Variants in GPC3 observed in about 807,000 individuals in gnomAD.
GPC3 encodes the protein glypican-3.
A neutral mutation model predicts 34.4 loss-of-function variants in GPC3; 3 were observed. That is an observed-to-expected ratio of 0.09 (90% CI 0.04 to 0.23). The LOEUF is 0.23. Among genes scored for constraint, GPC3 ranks in the 10% least tolerant of loss-of-function variants. The pLI, the probability that GPC3 is intolerant of heterozygous loss-of-function variation, is 1.00. For synonymous variants in GPC3, 177 were observed against 174.0 expected (o/e 1.02, Z -0.13); for missense variants, 351 against 445.6 (o/e 0.79, Z 1.91).
chrX:133,797,753 C>T (rs189962203), intron 2 of GPC3, among the ~76,000 whole-genome samples: 111 of 110,500 alleles, frequency 1.0e-3, no homozygotes, highest in African/African-American at 3.2e-3. Flanking sequence ...TCGCTTGAAC[C>T]CAGGAGGCGA....
intron 2 of GPC3, among the ~76,000 whole-genome samples, chrX:133,868,649 G>A (rs936610608): frequency 8.9e-6 from 1 of 111,919 alleles, no homozygotes; most frequent in Non-Finnish European, 1.9e-5. Context: ...TAGAGCAAGG[G>A]AGGATGACTT....
intron 2 of GPC3, among the ~76,000 whole-genome samples, chrX:133,914,960 T>TATATAC (rs1205170782): frequency 1.1e-5 from 1 of 93,986 alleles, no homozygotes; most frequent in African/African-American, 4.0e-5. Flanking sequence ...TATATATATA[T>TATATAC]ATATATATAT....
At chrX:133,732,581 T>A (rs1478483537) in intron 3 of GPC3, among the ~76,000 whole-genome samples, 1 of 111,494 alleles carries the variant, frequency 9.0e-6, no homozygotes, top group Non-Finnish European at 1.9e-5. Context: ...CCTTTAATCA[T>A]CCTTATGATA....
Position 133,596,502 on chromosome X carries a change from T to G in GPC3, c.1511A>C (p.Glu504Ala). The G allele has an allele frequency of 2.5e-6, 3 of 1,203,279 alleles. No homozygotes were observed. The highest frequency in any genetic ancestry group is 3.4e-6 in the Non-Finnish European group (3 of 887,872). ...TCCATCACCAGAGCCTCCAATGCACTCATCTTCATCATCACCGCAGTCTCC... is the reference window on the plus strand; with the variant it reads ...TCCATCACCAGAGCCTCCAATGCACGCATCTTCATCATCACCGCAGTCTCC... The part of the protein sequence containing the change: ...ESGDCGDDED[E>A]CIGGSGDGMI... Residue 504 changes from glutamate to alanine, a missense_variant, in exon 7 of 8, where the codon GAG becomes GCG. Glu to Ala is a moderately radical substitution (Grantham distance 107, BLOSUM62 -1). Coordinates refer to ENST00000370818, the MANE Select transcript of GPC3 (RefSeq NM_004484.4).
chrX:133,736,986 A>G (rs2071516831), intron 3 of GPC3, among the ~76,000 whole-genome samples: 2 of 112,473 alleles, frequency 1.8e-5, no homozygotes, highest in Admixed American at 1.9e-4. Flanking sequence ...TTGAAATTCA[A>G]TTAATATAAA....
chrX:133,545,842 A>C (rs1000553689), intron 7 of GPC3, among the ~76,000 whole-genome samples: 1 of 111,515 alleles, frequency 9.0e-6, no homozygotes, highest in African/African-American at 3.3e-5. Context: ...GGTGGAAAGA[A>C]CCTAAGTGTC....
intron 6 of GPC3, among the ~76,000 whole-genome samples, chrX:133,649,166 G>A (rs2070572223): frequency 9.1e-6 from 1 of 110,487 alleles, no homozygotes; most frequent in African/African-American, 3.3e-5. Context: ...TAGGTGGGGG[G>A]GATTCTCTAT....
At chrX:133,692,072 C>T (rs992470155) in intron 5 of GPC3, among the ~76,000 whole-genome samples, 3 of 112,586 alleles carry the variant, frequency 2.7e-5, no homozygotes, top group African/African-American at 9.7e-5. Context: ...CCTCAGCCTC[C>T]CCAGTAGCTG....
chrX:133,768,906 C>T (rs916324048), intron 2 of GPC3, among the ~76,000 whole-genome samples: 2 of 110,026 alleles, frequency 1.8e-5, no homozygotes, highest in African/African-American at 6.7e-5. Flanking sequence ...AGCCACTGCA[C>T]TCCAGCCTGG....
chrX:133,740,661 A>G (rs1406272582), intron 3 of GPC3, among the ~76,000 whole-genome samples: 2 of 111,898 alleles, frequency 1.8e-5, no homozygotes, highest in African/African-American at 6.5e-5. Context: ...ATGTATGGAA[A>G]GAGATCATTA....
chrX:133,649,533 G>A (rs756157209), intron 6 of GPC3, among the ~76,000 whole-genome samples: 3 of 110,915 alleles, frequency 2.7e-5, no homozygotes, highest in South Asian at 3.9e-4. Flanking sequence ...ACAACAGCTC[G>A]GGGAATGACA....
At chrX:133,582,608 C>T (rs1489458703) in intron 7 of GPC3, among the ~76,000 whole-genome samples, 4 of 112,426 alleles carry the variant, frequency 3.6e-5, no homozygotes, top group Non-Finnish European at 5.6e-5. Flanking sequence ...ATAATTAAAA[C>T]GTGTGGCTTG....
At chrX:133,590,891 CAT>C (rs944605621) in intron 7 of GPC3, among the ~76,000 whole-genome samples, 4 of 112,304 alleles carry the variant, frequency 3.6e-5, no homozygotes, top group African/African-American at 1.3e-4. Flanking sequence ...AAGAAATGAA[CAT>C]AATCACAGAC....
At chrX:133,918,399 T>G (rs1205412590) in intron 2 of GPC3, among the ~76,000 whole-genome samples, 1 of 112,415 alleles carries the variant, frequency 8.9e-6, no homozygotes, top group Admixed American at 9.4e-5. Flanking sequence ...GTTTAATTGG[T>G]TTAGCAAGAG....
intron 1 of GPC3, among the ~76,000 whole-genome samples, chrX:133,968,311 G>A (rs1313497069): frequency 8.9e-6 from 1 of 112,136 alleles, no homozygotes; most frequent in Non-Finnish European, 1.9e-5. Context: ...GGAGAGGGGA[G>A]TATTTGAATT....
At chrX:133,545,966 C>T (rs1569378312) in intron 7 of GPC3, among the ~76,000 whole-genome samples, 1 of 109,791 alleles carries the variant, frequency 9.1e-6, no homozygotes, top group Non-Finnish European at 1.9e-5. Context: ...GAACCTTGAG[C>T]GAGACTCTGT....
intron 5 of GPC3, among the ~76,000 whole-genome samples, chrX:133,684,539 C>T (rs2070976849): frequency 9.0e-6 from 1 of 111,619 alleles, no homozygotes. Context: ...TCGGACCTGA[C>T]TCAATGCTAC....
At position 133,901,417 on chromosome X, in the gene GPC3, T is replaced by TTTA. The variant is rs748195431; in HGVS notation, c.337+51630_337+51632dup. 2.9e-3 allele frequency among the ~76,000 whole-genome samples: 326 copies of TTTA among 111,068 alleles called. 2 individuals are homozygous for TTTA. The highest frequency in any genetic ancestry group is 4.5e-3 in the Non-Finnish European group (238 of 52,952). ...ATTTCTTTTTAACTTGTCTCTGGAT[T>TTTA]TTATTATTATTATTATTTCATTTTT... On this transcript the variant is annotated intron_variant, in intron 2 of 7. Coordinates refer to ENST00000370818, the MANE Select transcript of GPC3 (RefSeq NM_004484.4).
intron 2 of GPC3, among the ~76,000 whole-genome samples, chrX:133,928,773 A>T (rs1308835281): frequency 8.9e-6 from 1 of 111,878 alleles, no homozygotes. Context: ...CCCATTTTTA[A>T]ATCAAGTTAT....
Sources: allele counts gnomAD v4.1 joint callset (sites outside exome capture counted in the v4.1 genomes callset), GRCh38; gene constraint gnomAD v4.1.1; transcripts MANE v1.5; gene names NCBI Gene and HGNC (gene_info 2026-07-23, HGNC 2026-07-21).